Variants in INPP4B observed in about 807,000 individuals in gnomAD.
INPP4B encodes the protein inositol polyphosphate-4-phosphatase type II B, also known as inositol polyphosphate 4-phosphatase type II.
Under a neutral mutation model 122.5 loss-of-function variants are expected in INPP4B, and 55 were observed. The ratio of observed to expected loss-of-function variants is 0.45; its 90% CI spans 0.36 to 0.56. The LOEUF is 0.56. Among genes scored for constraint, INPP4B ranks in the 20% least tolerant of loss-of-function variants. The probability of loss-of-function intolerance (pLI) is 0.00; values close to 1 mark genes in which losing one functional copy is unlikely to be tolerated. For missense variants in INPP4B, 1,000 were observed against 1,097.7 expected (o/e 0.91, Z 1.26); for synonymous variants, 403 against 388.7 (o/e 1.04, Z -0.43).
intron 21 of INPP4B, among the ~76,000 whole-genome samples, chr4:142,118,488 C>A (rs1232408876): frequency 6.6e-6 from 1 of 152,060 alleles, no homozygotes; most frequent in Non-Finnish European, 1.5e-5. Context: ...GAAATAATAC[C>A]ACACATCTAC....
At chr4:142,161,342 C>T (rs1463610237) in intron 16 of INPP4B, among the ~76,000 whole-genome samples, 1 of 151,964 alleles carries the variant, frequency 6.6e-6, no homozygotes, top group South Asian at 2.1e-4. Context: ...AACAGTTTCA[C>T]CCTGTAATAG....
chr4:142,585,398 T>A (rs964239427), intron 2 of INPP4B, among the ~76,000 whole-genome samples: 3 of 152,142 alleles, frequency 2.0e-5, no homozygotes, highest in Non-Finnish European at 4.4e-5. Context: ...GGAAATCTAC[T>A]ACCACACATT....
intron 7 of INPP4B, among the ~76,000 whole-genome samples, chr4:142,333,450 T>C (rs1775450693): frequency 6.6e-6 from 1 of 152,238 alleles, no homozygotes; most frequent in Non-Finnish European, 1.5e-5. Flanking sequence ...TTCTCGCTTT[T>C]ATCTCTCATA....
intron 2 of INPP4B, among the ~76,000 whole-genome samples, chr4:142,623,928 A>G (rs1053097458): frequency 1.3e-5 from 2 of 151,964 alleles, no homozygotes; most frequent in African/African-American, 4.8e-5. Context: ...ATAGTATTCC[A>G]CGGTGTATAT....
intron 2 of INPP4B, among the ~76,000 whole-genome samples, chr4:142,696,682 C>T (rs1761074556): frequency 6.6e-6 from 1 of 152,172 alleles, no homozygotes; most frequent in East Asian, 1.9e-4. Context: ...GTTCTCCAAA[C>T]ATTTCAAAAC....
chr4:142,809,840 A>C (rs1469852327), intron 1 of INPP4B, among the ~76,000 whole-genome samples: 2 of 152,084 alleles, frequency 1.3e-5, no homozygotes, highest in African/African-American at 4.8e-5. Context: ...TAAGAAAAAA[A>C]AAAATCCACG....
At chr4:142,668,212 A>G (rs1166769602) in intron 2 of INPP4B, among the ~76,000 whole-genome samples, 1 of 152,218 alleles carries the variant, frequency 6.6e-6, no homozygotes, top group East Asian at 1.9e-4. Flanking sequence ...CAACATACAT[A>G]AGTCAATAAA....
At chr4:142,504,553 A>T (rs764705479) in intron 2 of INPP4B, among the ~76,000 whole-genome samples, 1 of 152,156 alleles carries the variant, frequency 6.6e-6, no homozygotes, top group Non-Finnish European at 1.5e-5. Flanking sequence ...TCTTCTGTTC[A>T]TTTGACCAAA....
chr4:142,332,799 T>C (rs1322590656), intron 7 of INPP4B, among the ~76,000 whole-genome samples: 1 of 147,938 alleles, frequency 6.8e-6, no homozygotes, highest in Non-Finnish European at 1.5e-5. Flanking sequence ...GGTCAGGAGA[T>C]CGAGACCAAC....
In INPP4B at chr4:142,410,793, C is replaced by T. The variant is rs191980867; in HGVS notation, c.137-5469G>A. ...TATATAGAATGCTAATATATGAGTC[C>T]CTTTAAATTATTATTGACATTAATA... On this transcript the variant is annotated intron_variant, in intron 5 of 25. Transcript: ENST00000262992. 5.6e-3 allele frequency among the ~76,000 whole-genome samples: 846 copies of T among 151,778 alleles called. 6 individuals are homozygous for T. The highest frequency in any genetic ancestry group is 0.021 in the South Asian group (99 of 4,790).
chr4:142,143,271 T>C (rs1325993449), intron 18 of INPP4B, among the ~76,000 whole-genome samples: 2 of 152,068 alleles, frequency 1.3e-5, no homozygotes, highest in African/African-American at 4.8e-5. Context: ...CATTAAATTA[T>C]CCTAAAAACT....
chr4:142,193,210 G>C lies in INPP4B; in HGVS notation c.1073-15C>G, dbSNP rs1836741489. The C allele has an allele frequency of 1.3e-6, 2 of 1,499,262 alleles. No individual in the cohort carries two copies. Among genetic ancestry groups the C allele is most frequent in the Non-Finnish European group, 1.9e-6 (2 of 1,076,694 alleles). 92.9% of individuals were successfully genotyped at this position (1,499,262 alleles called of 1,614,324 possible). On this transcript the variant is annotated splice_polypyrimidine_tract_variant and intron_variant, in intron 14 of 25. Transcript: ENST00000262992. ...GTAGAGAGCATCTGGAGTAGAAACA[G>C]ACAAGGAGATGAACACTTTGCAAAC...
chr4:142,416,075 G>A (rs900383102), intron 5 of INPP4B, among the ~76,000 whole-genome samples: 9 of 152,064 alleles, frequency 5.9e-5, no homozygotes, highest in East Asian at 1.9e-4. Flanking sequence ...AATGGGTGCA[G>A]CACACGAGCA....
At chr4:142,545,518 C>T (rs562974144) in intron 2 of INPP4B, among the ~76,000 whole-genome samples, 62 of 151,974 alleles carry the variant, frequency 4.1e-4, no homozygotes, top group Non-Finnish European at 7.9e-4. Context: ...CTAAGTCCAT[C>T]ATAGAGCTCT....
rs142312765 is a variant in INPP4B at position 142,324,056 on chromosome 4, T to C, written c.373-9294A>G. Among the ~76,000 whole-genome samples the C allele has an allele frequency of 5.1e-3, 779 of 152,106 alleles. 6 individuals carry two copies. Among genetic ancestry groups the C allele is most frequent in the African/African-American group, 0.017 (725 of 41,490 alleles). On this transcript the variant is annotated intron_variant, in intron 7 of 25. Coordinates refer to ENST00000262992, the MANE Select transcript of INPP4B (RefSeq NM_001101669.3). ...ATTAATTTAAAATGAGACCCATGGG[T>C]TAGGGTGCTAATCCAATGTAACTGG...
chr4:142,188,288 C>A (rs1448189462), intron 15 of INPP4B, among the ~76,000 whole-genome samples: 1 of 151,266 alleles, frequency 6.6e-6, no homozygotes, highest in Admixed American at 6.6e-5. Flanking sequence ...CAGATCGAGA[C>A]CATCCTGGCT....
At chr4:142,263,458 A>C (rs1322942473) in intron 10 of INPP4B, among the ~76,000 whole-genome samples, 1 of 151,672 alleles carries the variant, frequency 6.6e-6, no homozygotes, top group African/African-American at 2.4e-5. Flanking sequence ...TCTGTCTTCT[A>C]TGAGATAATT....
chr4:142,048,540 A>G (rs908379705), intron 25 of INPP4B, among the ~76,000 whole-genome samples: 2 of 151,852 alleles, frequency 1.3e-5, no homozygotes, highest in African/African-American at 4.8e-5. Flanking sequence ...AGAAATAAAG[A>G]GAGGCAAGGG....
chr4:142,496,101 C>A (rs1441331019), intron 2 of INPP4B, among the ~76,000 whole-genome samples: 6 of 152,076 alleles, frequency 3.9e-5, no homozygotes, highest in Non-Finnish European at 8.8e-5. Flanking sequence ...GTTTTCTTGG[C>A]CTCACATTAC....
Sources: gnomAD v4.1 joint callset for allele counts (sites outside exome capture counted in the v4.1 genomes callset) on GRCh38, gnomAD v4.1.1 for gene constraint, MANE v1.5 for transcripts, NCBI Gene and HGNC (gene_info 2026-07-23, HGNC 2026-07-21) for gene names.